PCMTD1: variants seen among roughly 807,000 people sequenced by gnomAD.
PCMTD1 encodes protein-L-isoaspartate O-methyltransferase domain-containing protein 1.
PCMTD1 carries 12 observed loss-of-function variants against 37.6 expected under a neutral mutation model. That is an observed-to-expected ratio of 0.32 (90% CI 0.20 to 0.52). PCMTD1 has a LOEUF of 0.52. Among genes scored for constraint, PCMTD1 ranks in the 20% least tolerant of loss-of-function variants. The pLI is 0.97. For synonymous variants in PCMTD1, 117 were observed against 135.8 expected (o/e 0.86, Z 0.96); for missense variants, 235 against 421.3 (o/e 0.56, Z 3.87).
chr8:51,821,327 C>T (rs904217068), intron 5 of PCMTD1, among the ~76,000 whole-genome samples: 4 of 152,180 alleles, frequency 2.6e-5, no homozygotes, highest in East Asian at 3.9e-4. Context: ...TTTGTTGAAA[C>T]GGGATCTCAC....
At chr8:51,873,174 G>A (rs1011868578) in intron 1 of PCMTD1, among the ~76,000 whole-genome samples, 2 of 152,112 alleles carry the variant, frequency 1.3e-5, no homozygotes, top group Non-Finnish European at 2.9e-5. Context: ...AATTTCTTAA[G>A]TACCATAGGA....
chr8:51,870,978 T>A (rs530351827), intron 1 of PCMTD1, among the ~76,000 whole-genome samples: 1 of 152,294 alleles, frequency 6.6e-6, no homozygotes, highest in East Asian at 1.9e-4. Flanking sequence ...AAAATGAAAA[T>A]AATTACATCA....
chr8:51,851,346 A>G (rs1402820413), intron 2 of PCMTD1, among the ~76,000 whole-genome samples: 1 of 152,230 alleles, frequency 6.6e-6, no homozygotes, highest in Admixed American at 6.5e-5. Context: ...TGTTTACATA[A>G]GATCTCAAAG....
chr8:51,868,290 G>A (rs1264175838), intron 1 of PCMTD1, among the ~76,000 whole-genome samples: 1 of 152,006 alleles, frequency 6.6e-6, no homozygotes, highest in East Asian at 1.9e-4. Context: ...GGAAAAGAGG[G>A]GCATGGGAGC....
intron 1 of PCMTD1, among the ~76,000 whole-genome samples, chr8:51,877,963 CTG>C (rs1315400501): frequency 6.6e-6 from 1 of 152,152 alleles, no homozygotes; most frequent in African/African-American, 2.4e-5. Flanking sequence ...GCAGAAAACT[CTG>C]TGTGTGTGTA....
chr8:51,885,283 T>A (rs1192370444), intron 1 of PCMTD1, among the ~76,000 whole-genome samples: 1 of 152,224 alleles, frequency 6.6e-6, no homozygotes, highest in African/African-American at 2.4e-5. Flanking sequence ...ATATCTTCGC[T>A]TCTTGGCAAA....
intron 5 of PCMTD1, chr8:51,827,212 TAGAAATTCACATAATTCCTGAC>T: frequency 8.8e-7 from 1 of 1,137,468 alleles, no homozygotes. Flanking sequence ...TTTTATTTTT[TAGAAATTCACATAATTCCTGAC>T]TTATTTTTAT....
At chr8:51,881,770 G>C (rs2038796098) in intron 1 of PCMTD1, among the ~76,000 whole-genome samples, 1 of 152,088 alleles carries the variant, frequency 6.6e-6, no homozygotes, top group Admixed American at 6.5e-5. Flanking sequence ...TAAGTCAAAA[G>C]CCACAGAACT....
At chr8:51,874,029 C>T (rs1243395140) in intron 1 of PCMTD1, among the ~76,000 whole-genome samples, 2 of 151,924 alleles carry the variant, frequency 1.3e-5, no homozygotes, top group East Asian at 3.9e-4. Flanking sequence ...TCACCTGCCT[C>T]AGCCTCCCAA....
chr8:51,827,148 GC>G, intron 5 of PCMTD1: 1 of 1,048,520 alleles, frequency 9.5e-7, no homozygotes, highest in South Asian at 2.8e-5. Context: ...TTAAATTTTG[GC>G]AAATATCAAT....
At chr8:51,876,054 G>A (rs1036417359) in intron 1 of PCMTD1, among the ~76,000 whole-genome samples, 65 of 152,224 alleles carry the variant, frequency 4.3e-4, no homozygotes, top group African/African-American at 1.5e-3. Flanking sequence ...GTCTACAATA[G>A]TCCCTGATGC....
At chr8:51,830,037 C>G (rs2037977416) in intron 5 of PCMTD1, among the ~76,000 whole-genome samples, 1 of 152,156 alleles carries the variant, frequency 6.6e-6, no homozygotes, top group Non-Finnish European at 1.5e-5. Context: ...TTCAAGCTCT[C>G]ATTTGCCCCA....
chr8:51,894,744 T>C (rs571118451), intron 1 of PCMTD1, among the ~76,000 whole-genome samples: 3 of 148,568 alleles, frequency 2.0e-5, no homozygotes, highest in African/African-American at 5.0e-5. Context: ...CTGGAAGAAC[T>C]GAAGAAAGAT....
chr8:51,899,110 A>C, upstream of PCMTD1: 4 of 1,445,926 alleles, frequency 2.8e-6, no homozygotes, highest in Non-Finnish European at 3.6e-6. Flanking sequence ...GGGTCCGGGC[A>C]TGCGCAGAGA....
intron 3 of PCMTD1, among the ~76,000 whole-genome samples, chr8:51,838,447 G>A (rs1335080143): frequency 1.3e-5 from 2 of 151,884 alleles, no homozygotes; most frequent in Non-Finnish European, 2.9e-5. Context: ...TATGACCATG[G>A]CCACTGCACT....
At chr8:51,851,658 C>CTT (rs11287024) in intron 2 of PCMTD1, among the ~76,000 whole-genome samples, 1 of 142,566 alleles carries the variant, frequency 7.0e-6, no homozygotes, top group African/African-American at 2.5e-5. Context: ...GACTCAAATT[C>CTT]TTTTTTTTTT....
chr8:51,845,119 G>A (rs1428731171), intron 3 of PCMTD1: 1 of 152,296 alleles, frequency 6.6e-6, no homozygotes, highest in Admixed American at 6.5e-5. Flanking sequence ...CCCGTGCAAT[G>A]TTTCTTCTAA....
intron 5 of PCMTD1, among the ~76,000 whole-genome samples, chr8:51,823,945 C>T (rs2037884381): frequency 6.6e-6 from 1 of 152,118 alleles, no homozygotes; most frequent in South Asian, 2.1e-4. Flanking sequence ...TGACAAAAAA[C>T]CATATGACTA....
chr8:51,884,248 G>C (rs140162010), intron 1 of PCMTD1, among the ~76,000 whole-genome samples: 1 of 152,120 alleles, frequency 6.6e-6, no homozygotes, highest in Non-Finnish European at 1.5e-5. Context: ...AGTCAGTGTG[G>C]TAAAAACAAG....
Sources: allele counts gnomAD v4.1 joint callset (sites outside exome capture counted in the v4.1 genomes callset), GRCh38; gene constraint gnomAD v4.1.1; transcripts MANE v1.5; gene names NCBI Gene and HGNC (gene_info 2026-07-23, HGNC 2026-07-21).